Variants in TOX observed in about 807,000 individuals in gnomAD.
TOX encodes thymocyte selection associated high mobility group box, also known as thymocyte selection-associated high mobility group box protein TOX.
Under a neutral mutation model 53.7 loss-of-function variants are expected in TOX, and 11 were observed. The ratio of observed to expected loss-of-function variants is 0.20; its 90% CI spans 0.13 to 0.34. The LOEUF is 0.34. Among genes scored for constraint, TOX ranks in the 10% least tolerant of loss-of-function variants. The pLI is 1.00. For missense variants in TOX, 570 were observed against 664.6 expected, an observed-to-expected ratio of 0.86 and a Z score of 1.56; for synonymous variants, 225 against 245.3, an observed-to-expected ratio of 0.92 and a Z score of 0.77.
rs576981281 is a variant in TOX, at chr8:59,021,847, T to C, written c.103-61839A>G. On this transcript the variant is annotated intron_variant, in intron 1 of 8. Transcript: ENST00000361421. Reference sequence around the variant, plus strand: ...TTTATTAACTTTTCCTGAAACTTTCTATTAAATTTTATTAGGTGATAAAAG... The same window carrying C: ...TTTATTAACTTTTCCTGAAACTTTCCATTAAATTTTATTAGGTGATAAAAG... Among the ~76,000 whole-genome samples, 7 of 152,276 alleles carry C rather than the reference T, an allele frequency of 4.6e-5. No homozygotes were observed. In the East Asian group the frequency reaches 7.7e-4, roughly 17 times the overall value.
chr8:58,968,480 A>AT (rs1563404074), intron 1 of TOX, among the ~76,000 whole-genome samples: 1 of 151,988 alleles, frequency 6.6e-6, no homozygotes, highest in Admixed American at 6.6e-5. Context: ...TTTTAGACAA[A>AT]TTTTTTCTGA....
intron 3 of TOX, among the ~76,000 whole-genome samples, chr8:58,870,162 T>A (rs2129169909): frequency 6.6e-6 from 1 of 152,168 alleles, no homozygotes; most frequent in Admixed American, 6.5e-5. Flanking sequence ...GACATAATTG[T>A]CTATGTAGAA....
chr8:58,897,435 T>C (rs1001389786), intron 3 of TOX, among the ~76,000 whole-genome samples: 2 of 152,168 alleles, frequency 1.3e-5, no homozygotes, highest in Non-Finnish European at 2.9e-5. Context: ...GCATAATCCA[T>C]GTATCACAAG....
Position 58,807,606 on chromosome 8 carries a change from G to T in TOX, c.*141C>A, listed in dbSNP as rs1585835119. ...CATGACTATTTCTTCCAGAGTGGGT[G>T]ACCCACAAGCTCAAATGGTCCTAAG... On this transcript the variant is annotated 3_prime_UTR_variant, in exon 9 of 9. Coordinates refer to ENST00000361421, the MANE Select transcript of TOX (RefSeq NM_014729.3). 20 of 768,636 alleles carry T rather than the reference G, an allele frequency of 2.6e-5. No individual in the cohort carries two copies. In the East Asian group the frequency reaches 5.3e-4, roughly 20 times the overall value. 47.6% of individuals were successfully genotyped at this position (768,636 alleles called of 1,614,324 possible).
At chr8:59,018,303 G>C (rs1483052799) in intron 1 of TOX, among the ~76,000 whole-genome samples, 1 of 152,148 alleles carries the variant, frequency 6.6e-6, no homozygotes, top group East Asian at 1.9e-4. Flanking sequence ...TCTGAAATGG[G>C]TGTGTCAGTG....
chr8:58,902,822 C>A (rs1387280020), intron 3 of TOX, among the ~76,000 whole-genome samples: 4 of 152,118 alleles, frequency 2.6e-5, no homozygotes, highest in Non-Finnish European at 5.9e-5. Context: ...CCTTTGTGAG[C>A]GTTTGAAAAT....
chr8:58,815,582 G>T lies in TOX; in HGVS notation c.1148C>A (p.Pro383His). 1 of 1,614,030 alleles carries T rather than the reference G, an allele frequency of 6.2e-7. No individual in the cohort carries two copies. Among genetic ancestry groups the T allele is most frequent in the East Asian group, 2.2e-5 (1 of 44,872 alleles). The change falls in exon 7 of 9, where the codon CCT (proline) becomes CAT (histidine). Residue 383 changes from proline to histidine, a missense_variant. Coordinates refer to ENST00000361421, the MANE Select transcript of TOX (RefSeq NM_014729.3). Reference protein sequence around the residue: ...SHYHQQPGMNPHLTAMHPSLP... With the variant: ...SHYHQQPGMNHHLTAMHPSLP... The stretch of plus-strand genomic sequence containing the variant: ...ACTAGGATGCATGGCAGTTAGGTGA[G>T]GATTCATTCCCGGTTGTTGGTGATA...
chr8:58,922,793 T>C (rs1812094536), intron 3 of TOX, among the ~76,000 whole-genome samples: 1 of 152,226 alleles, frequency 6.6e-6, no homozygotes, highest in African/African-American at 2.4e-5. Flanking sequence ...CCTCATTACA[T>C]GCACTTTCCA....
chr8:58,866,415 G>A (rs1255357898), intron 3 of TOX, among the ~76,000 whole-genome samples: 1 of 152,052 alleles, frequency 6.6e-6, no homozygotes, highest in Non-Finnish European at 1.5e-5. Flanking sequence ...AATGCCACAG[G>A]AATAAAAAAT....
intron 1 of TOX, among the ~76,000 whole-genome samples, chr8:58,965,900 T>TG (rs1464258390): frequency 4.2e-5 from 6 of 141,396 alleles, no homozygotes; most frequent in Admixed American, 2.8e-4. Context: ...CATCGTTTTT[T>TG]TTTTTTTTTT....
chr8:58,869,986 G>A (rs903464954), intron 3 of TOX, among the ~76,000 whole-genome samples: 6 of 151,988 alleles, frequency 3.9e-5, no homozygotes, highest in African/African-American at 9.7e-5. Context: ...TGGTGGGAAA[G>A]TGAAAGCTTT....
intron 1 of TOX, among the ~76,000 whole-genome samples, chr8:58,972,096 A>G (rs1339936529): frequency 6.6e-6 from 1 of 152,258 alleles, no homozygotes; most frequent in African/African-American, 2.4e-5. Context: ...AAAATCACCA[A>G]TTAAATGAAA....
chr8:58,872,973 T>C lies in TOX; in HGVS notation c.412-21168A>G, dbSNP rs973937810. ...CTTAGTCTGGGGTATGTGACAACTC[T>C]CTAGTATTTTCACAATATTTTTTTA... On this transcript the variant is annotated intron_variant, in intron 3 of 8. Coordinates refer to ENST00000361421, the MANE Select transcript of TOX (RefSeq NM_014729.3). 1.4e-4 allele frequency among the ~76,000 whole-genome samples: 22 copies of C among 152,154 alleles called. 1 individual carries two copies. The highest frequency in any genetic ancestry group is 4.4e-5 in the Non-Finnish European group (3 of 68,002).
chr8:59,079,486 A>G (rs559187649), intron 1 of TOX, among the ~76,000 whole-genome samples: 48 of 152,320 alleles, frequency 3.2e-4, no homozygotes, highest in Non-Finnish European at 6.0e-4. Flanking sequence ...CTCCAGCCTC[A>G]GCTCAGGAAA....
chr8:59,060,942 A>T (rs921906940), intron 1 of TOX, among the ~76,000 whole-genome samples: 2 of 152,158 alleles, frequency 1.3e-5, no homozygotes, highest in Non-Finnish European at 2.9e-5. Context: ...CAACGCTACT[A>T]TTGGGGGAAA....
intron 5 of TOX, among the ~76,000 whole-genome samples, chr8:58,834,055 A>G (rs1415786026): frequency 6.6e-6 from 1 of 152,204 alleles, no homozygotes; most frequent in Non-Finnish European, 1.5e-5. Context: ...ATACTCCACA[A>G]TGAGGAAGCA....
intron 1 of TOX, among the ~76,000 whole-genome samples, chr8:59,025,517 A>G (rs530659281): frequency 6.6e-6 from 1 of 152,176 alleles, no homozygotes; most frequent in African/African-American, 2.4e-5. Context: ...TCAAGCATAA[A>G]GGGATCCCAA....
chr8:58,914,388 G>A (rs1246397854), intron 3 of TOX, among the ~76,000 whole-genome samples: 6 of 152,210 alleles, frequency 3.9e-5, no homozygotes, highest in African/African-American at 1.4e-4. Flanking sequence ...TCCTTTTGCA[G>A]TATGCTTTTA....
At chr8:58,908,413 C>T (rs1749876370) in intron 3 of TOX, among the ~76,000 whole-genome samples, 1 of 152,176 alleles carries the variant, frequency 6.6e-6, no homozygotes, top group African/African-American at 2.4e-5. Context: ...CCCAAACCTG[C>T]TGTTCTTACC....
Sources: allele counts gnomAD v4.1 joint callset (sites outside exome capture counted in the v4.1 genomes callset), GRCh38; gene constraint gnomAD v4.1.1; transcripts MANE v1.5; gene names NCBI Gene and HGNC (gene_info 2026-07-23, HGNC 2026-07-21).